The following SPMIP4 variants were observed in gnomAD, a reference collection of about 807,000 sequenced individuals.
The protein encoded by SPMIP4 is sperm-associated microtubule inner protein 4.
the SPMIP4 span, among the ~76,000 whole-genome samples, chr7:25,160,761 T>C: frequency 6.6e-6 from 1 of 152,240 alleles, no homozygotes; most frequent in African/African-American, 2.4e-5. Flanking sequence ...GGAAGTGTTA[T>C]TAAGAGTTAT....
chr7:25,179,641 T>C, the SPMIP4 span: 6 of 199,436 alleles, frequency 3.0e-5, no homozygotes, highest in African/African-American at 1.4e-4. Flanking sequence ...AATTTAACTA[T>C]AACTATTCAA....
At chr7:25,130,595 T>C in the SPMIP4 span, among the ~76,000 whole-genome samples, 2 of 152,304 alleles carry the variant, frequency 1.3e-5, no homozygotes, top group South Asian at 4.1e-4. Flanking sequence ...ATTATAGGTG[T>C]GAGCCACCGC....
chr7:25,174,995 A>T, the SPMIP4 span, among the ~76,000 whole-genome samples: 2 of 152,258 alleles, frequency 1.3e-5, no homozygotes, highest in African/African-American at 4.8e-5. This position sits in a 1 kb window ranked among gnomAD's most constrained non-coding sequence, Gnocchi z 4.5. Flanking sequence ...GCTCTTGGTC[A>T]TCAGGTAAGC....
chr7:25,164,049 T>C, the SPMIP4 span, among the ~76,000 whole-genome samples: 27 of 152,334 alleles, frequency 1.8e-4, no homozygotes, highest in Middle Eastern at 3.4e-3. Flanking sequence ...AATATTCAAT[T>C]ATGGCTAAGT....
At chr7:25,163,505 CTG>C in the SPMIP4 span, among the ~76,000 whole-genome samples, 1 of 152,148 alleles carries the variant, frequency 6.6e-6, no homozygotes, top group Non-Finnish European at 1.5e-5. This position sits in a 1 kb window ranked among gnomAD's most constrained non-coding sequence, Gnocchi z 4.4. Context: ...AAACGACCAG[CTG>C]TGTGTGTGTC....
At chr7:25,168,238 A>G in the SPMIP4 span, 1 of 1,526,916 alleles carries the variant, frequency 6.5e-7, no homozygotes. Flanking sequence ...ATGGAAGTAA[A>G]GAAAAATGGA....
chr7:25,175,344 T>C, the SPMIP4 span, among the ~76,000 whole-genome samples: 1 of 152,162 alleles, frequency 6.6e-6, no homozygotes, highest in Admixed American at 6.5e-5. Flanking sequence ...CTACAACCTC[T>C]GCCTCTAGGC....
At chr7:25,179,267 A>C in the SPMIP4 span, 1 of 1,613,820 alleles carries the variant, frequency 6.2e-7, no homozygotes, top group Non-Finnish European at 8.5e-7. Flanking sequence ...CAGCTCCTTC[A>C]AGCTCCCTGC....
chr7:25,125,870 A>G, the SPMIP4 span: 133 of 978,186 alleles, frequency 1.4e-4, no homozygotes, highest in Non-Finnish European at 1.6e-4. Flanking sequence ...TTCTAGTTCC[A>G]CCTATACTCT....
At chr7:25,142,942 T>C in the SPMIP4 span, 2 of 576,400 alleles carry the variant, frequency 3.5e-6, no homozygotes, top group Non-Finnish European at 5.8e-6. Context: ...TTTTTTGTCA[T>C]TAATTACTAG....
the SPMIP4 span, among the ~76,000 whole-genome samples, chr7:25,171,236 A>C: frequency 5.3e-5 from 8 of 152,286 alleles, no homozygotes; most frequent in South Asian, 1.5e-3. Flanking sequence ...GGTAGCTCAG[A>C]TGATTTACTC....
At chr7:25,143,542 ATTTTAACAAG>A in the SPMIP4 span, among the ~76,000 whole-genome samples, 2 of 150,980 alleles carry the variant, frequency 1.3e-5, no homozygotes. Context: ...TGACAAAAAG[ATTTTAACAAG>A]TAATTCTTTG....
At chr7:25,180,321 T>TGCGAGGCGCCGGGTCGGAG in the SPMIP4 span, 1 of 152,160 alleles carries the variant, frequency 6.6e-6, no homozygotes, top group Admixed American at 6.5e-5. Context: ...GTGAACGGAG[T>TGCGAGGCGCCGGGTCGGAG]GCGAGGCGCC....
the SPMIP4 span, among the ~76,000 whole-genome samples, chr7:25,173,072 G>T: frequency 1.3e-5 from 2 of 151,602 alleles, no homozygotes; most frequent in Admixed American, 6.6e-5. This position sits in a 1 kb window ranked among gnomAD's most constrained non-coding sequence, Gnocchi z 4.4. Flanking sequence ...GGAGAGAATG[G>T]GAAAGAGAAG....
the SPMIP4 span, chr7:25,155,212 C>G: frequency 6.8e-7 from 1 of 1,481,460 alleles, no homozygotes; most frequent in East Asian, 2.5e-5. Flanking sequence ...ATTGAGGAAA[C>G]AAAACAAAAT....
the SPMIP4 span, chr7:25,168,199 G>T: frequency 1.8e-6 from 2 of 1,107,968 alleles, no homozygotes; most frequent in Non-Finnish European, 2.6e-6. Context: ...TAAGTTTGAA[G>T]ACAGATTTAA....
chr7:25,159,709 T>A, the SPMIP4 span, among the ~76,000 whole-genome samples: 1 of 152,360 alleles, frequency 6.6e-6, no homozygotes, highest in South Asian at 2.1e-4. Flanking sequence ...TAAAAGTTTA[T>A]ATCTTTTTAA....
chr7:25,177,608 C>A, the SPMIP4 span, among the ~76,000 whole-genome samples: 1 of 152,088 alleles, frequency 6.6e-6, no homozygotes, highest in Admixed American at 6.5e-5. Flanking sequence ...CAAGTAAATA[C>A]AATACAGGAA....
At chr7:25,133,658 C>G in the SPMIP4 span, among the ~76,000 whole-genome samples, 44 of 152,126 alleles carry the variant, frequency 2.9e-4, no homozygotes, top group Non-Finnish European at 5.0e-4. Flanking sequence ...TAGAGTAACG[C>G]TTTTTGTAAA....
Sources: allele counts gnomAD v4.1 joint callset (sites outside exome capture counted in the v4.1 genomes callset), GRCh38; gene constraint gnomAD v4.1.1; non-coding constraint Gnocchi (gnomAD v3.1); transcripts MANE v1.5; gene names NCBI Gene and HGNC (gene_info 2026-07-23, HGNC 2026-07-21).